Variants in FAM227B observed in about 807,000 individuals in gnomAD.
FAM227B encodes the protein protein FAM227B.
In FAM227B, 88 loss-of-function variants were observed where a neutral mutation model predicts 73.8. That is an observed-to-expected ratio of 1.19 (90% confidence interval 1.00 to 1.42). The LOEUF is 1.42. Among genes scored for constraint, FAM227B ranks in the 40% most tolerant of loss-of-function variants. The pLI is 0.00. For synonymous variants in FAM227B, 210 were observed against 190.5 expected (o/e 1.10, Z -0.84); for missense variants, 632 against 590.9 (o/e 1.07, Z -0.72).
intron 14 of FAM227B, among the ~76,000 whole-genome samples, chr15:49,333,219 T>G (rs956923743): frequency 3.9e-5 from 6 of 152,186 alleles, no homozygotes; most frequent in Non-Finnish European, 7.3e-5. Context: ...TTCAGTGGTT[T>G]TAGTACATTC....
Position 49,576,785 on chromosome 15 carries a change from C to T in FAM227B, c.502G>A (p.Ala168Thr), listed in dbSNP as rs919837777. 2 of 1,612,164 alleles carry T rather than the reference C, an allele frequency of 1.2e-6. No homozygotes were observed. Among genetic ancestry groups the T allele is most frequent in the Middle Eastern group, 1.7e-4 (1 of 6,034 alleles). ...ELTQLPRHLDAEQIYLFILKA... is the reference protein window; with the variant it reads ...ELTQLPRHLDTEQIYLFILKA... ...AAAATAAAAAGATAAATTTGTTCAG[C>T]ATCCAAATGTCTGGGTAGCTGAGTA... is the stretch of plus-strand genomic sequence containing the variant. The change falls in exon 7 of 16, where the codon GCT becomes ACT. Residue 168 changes from alanine (A) to threonine (T), a missense_variant. Physicochemically the swap from Ala to Thr is moderately conservative, Grantham distance 58. Coordinates refer to ENST00000299338, the MANE Select transcript of FAM227B (RefSeq NM_152647.3).
At chr15:49,605,861 C>T (rs2077487418) in intron 3 of FAM227B, among the ~76,000 whole-genome samples, 1 of 151,986 alleles carries the variant, frequency 6.6e-6, no homozygotes. Flanking sequence ...TAGCCTGGGG[C>T]TGTGGGAGCT....
chr15:49,513,868 C>A (rs1261712736), intron 10 of FAM227B, among the ~76,000 whole-genome samples: 1 of 152,138 alleles, frequency 6.6e-6, no homozygotes, highest in Non-Finnish European at 1.5e-5. Context: ...TTCCCCATCG[C>A]TTGTTTTTGT....
chr15:49,570,614 A>C (rs1226864748), intron 8 of FAM227B, among the ~76,000 whole-genome samples: 1 of 151,300 alleles, frequency 6.6e-6, no homozygotes, highest in Non-Finnish European at 1.5e-5. Flanking sequence ...TGATCATCTC[A>C]CCTTTCCCCA....
chr15:49,328,430 A>T lies in FAM227B; in HGVS notation c.*138T>A. The T allele has an allele frequency of 2.8e-6, 4 of 1,444,832 alleles. No individual in the cohort carries two copies. Among genetic ancestry groups the T allele is most frequent in the Non-Finnish European group, 3.6e-6 (4 of 1,100,576 alleles). 89.5% of individuals were successfully genotyped at this position (1,444,832 alleles called of 1,614,324 possible). On this transcript the variant is annotated 3_prime_UTR_variant, in exon 16 of 16. Coordinates refer to ENST00000299338, the MANE Select transcript of FAM227B (RefSeq NM_152647.3). ...CTTACTGAGATTTATTGATTTGAAGATTTTAAAGATGAATGGTAAAACACA... is the reference window on the plus strand; with the variant it reads ...CTTACTGAGATTTATTGATTTGAAGTTTTTAAAGATGAATGGTAAAACACA...
chr15:49,550,550 T>G (rs2072810090), intron 9 of FAM227B, among the ~76,000 whole-genome samples: 1 of 148,246 alleles, frequency 6.7e-6, no homozygotes, highest in Admixed American at 6.7e-5. Flanking sequence ...GCGGAGGGTC[T>G]CCTCACTTCT....
rs973395182 is a variant in FAM227B, at chr15:49,487,955, C to A, written c.1012+20256G>T. On this transcript the variant is annotated intron_variant, in intron 11 of 15. Coordinates refer to ENST00000299338, the MANE Select transcript of FAM227B (RefSeq NM_152647.3). The stretch of plus-strand genomic sequence containing the variant: ...TGAGACACAAAAGATTATTTGCCTC[C>A]CATAATCCAACTTTACACATAAATA... 2.0e-5 allele frequency: 3 copies of A among 151,874 alleles called. 1 individual carries two copies. The highest frequency in any genetic ancestry group is 7.3e-5 in the African/African-American group (3 of 41,362). 9.4% of individuals were successfully genotyped at this position (151,874 alleles called of 1,614,324 possible). A position where few individuals can be genotyped will look rare whatever the true frequency, so the allele number is the denominator to read the frequency against.
At chr15:49,534,461 G>C (rs2060857126) in intron 10 of FAM227B, among the ~76,000 whole-genome samples, 1 of 151,878 alleles carries the variant, frequency 6.6e-6, no homozygotes, top group East Asian at 1.9e-4. Flanking sequence ...ACATCAGAGT[G>C]CCTAAATAAA....
At chr15:49,507,644 G>A (rs898892602) in intron 11 of FAM227B, among the ~76,000 whole-genome samples, 2 of 151,936 alleles carry the variant, frequency 1.3e-5, no homozygotes, top group African/African-American at 4.8e-5. Flanking sequence ...GTGGCTCAAA[G>A]GAACAGAAAA....
At chr15:49,579,135 T>C (rs2075652987) in intron 5 of FAM227B, among the ~76,000 whole-genome samples, 1 of 152,196 alleles carries the variant, frequency 6.6e-6, no homozygotes, top group Non-Finnish European at 1.5e-5. Context: ...TTAGAATGGC[T>C]ATTATCAAAA....
chr15:49,428,217 A>C (rs1214705157), intron 11 of FAM227B, among the ~76,000 whole-genome samples: 2 of 151,972 alleles, frequency 1.3e-5, no homozygotes, highest in Non-Finnish European at 2.9e-5. Context: ...CAGGAGGCAG[A>C]AAGTCTCTCC....
chr15:49,339,062 T>A (rs942116037), intron 13 of FAM227B, among the ~76,000 whole-genome samples: 1 of 152,212 alleles, frequency 6.6e-6, no homozygotes, highest in Non-Finnish European at 1.5e-5. Flanking sequence ...CTTGCTTGCA[T>A]TGGGTCAGAA....
chr15:49,329,696 T>C (rs534277253), intron 15 of FAM227B: 6 of 975,180 alleles, frequency 6.2e-6, no homozygotes, highest in Non-Finnish European at 7.3e-6. Context: ...TCCAAAAATC[T>C]GAAACCTGAA....
chr15:49,557,430 G>C (rs1285313891), intron 9 of FAM227B, among the ~76,000 whole-genome samples: 1 of 152,152 alleles, frequency 6.6e-6, no homozygotes, highest in Non-Finnish European at 1.5e-5. Context: ...ACTTAACTTT[G>C]CTGTTGCTTT....
At chr15:49,576,866 C>T in intron 6 of FAM227B, 21 bp from the exon 7 acceptor site, 1 of 1,439,240 alleles carries the variant, frequency 6.9e-7, no homozygotes, top group Non-Finnish European at 9.7e-7. Context: ...GAAAATATAA[C>T]AGGAGAGTAA....
intron 11 of FAM227B, among the ~76,000 whole-genome samples, chr15:49,503,636 A>T (rs112425104): frequency 1.3e-5 from 2 of 152,222 alleles, no homozygotes; most frequent in Non-Finnish European, 2.9e-5. Flanking sequence ...GACACTTCGC[A>T]AAAGAAGACA....
chr15:49,579,478 C>T (rs2075674761), intron 5 of FAM227B, among the ~76,000 whole-genome samples: 1 of 152,084 alleles, frequency 6.6e-6, no homozygotes, highest in African/African-American at 2.4e-5. Flanking sequence ...CGAATGAAAT[C>T]CTGTCATTTG....
At chr15:49,559,879 T>C (rs2074100407) in intron 9 of FAM227B, among the ~76,000 whole-genome samples, 1 of 151,864 alleles carries the variant, frequency 6.6e-6, no homozygotes, top group African/African-American at 2.4e-5. Context: ...AGACTGCAGT[T>C]GAGCTGAGAT....
chr15:49,486,742 A>G (rs1353887226), intron 11 of FAM227B: 1 of 151,964 alleles, frequency 6.6e-6, no homozygotes, highest in Non-Finnish European at 1.5e-5. Context: ...TCCTGGTAGT[A>G]TAAGTCACCT....
Sources: gnomAD v4.1 joint callset for allele counts (sites outside exome capture counted in the v4.1 genomes callset) on GRCh38, gnomAD v4.1.1 for gene constraint, MANE v1.5 for transcripts, NCBI Gene and HGNC (gene_info 2026-07-23, HGNC 2026-07-21) for gene names.